The following MECOM variants were observed in gnomAD, a reference collection of about 807,000 sequenced individuals.
MECOM encodes the protein histone-lysine N-methyltransferase MECOM.
In MECOM, 13 loss-of-function variants were observed where a neutral mutation model predicts 116.3. The observed-to-expected ratio is 0.11, with a 90% CI of 0.07 to 0.18. MECOM has a LOEUF of 0.18. MECOM is among the 10% of genes least tolerant of loss of function. The pLI is 1.00. For missense variants in MECOM, 1,299 were observed against 1,509.0 expected (o/e 0.86, Z 2.31); for synonymous variants, 528 against 535.2 (o/e 0.99, Z 0.19).
intron 2 of MECOM, among the ~76,000 whole-genome samples, chr3:169,207,023 A>T (rs1405119639): frequency 6.6e-6 from 1 of 152,260 alleles, no homozygotes; most frequent in Non-Finnish European, 1.5e-5. Flanking sequence ...CAAAATGATG[A>T]TATAGCATAA....
chr3:169,401,871 C>A (rs1327700594), intron 1 of MECOM, among the ~76,000 whole-genome samples: 3 of 152,152 alleles, frequency 2.0e-5, no homozygotes, highest in Non-Finnish European at 2.9e-5. Context: ...CAGTGAGGAT[C>A]CAAACAATCA....
At chr3:169,644,919 C>A (rs1288781375) in intron 1 of MECOM, among the ~76,000 whole-genome samples, 2 of 152,168 alleles carry the variant, frequency 1.3e-5, no homozygotes, top group Non-Finnish European at 2.9e-5. Context: ...AATACACACT[C>A]ATGCCTCTTT....
intron 4 of MECOM, among the ~76,000 whole-genome samples, chr3:169,129,594 C>T: frequency 6.6e-6 from 1 of 151,970 alleles, no homozygotes; most frequent in Admixed American, 6.6e-5. Flanking sequence ...GCTCTAAAGA[C>T]AGGATTCTCA....
chr3:169,213,943 G>C (rs1000040203), intron 2 of MECOM, among the ~76,000 whole-genome samples: 1 of 152,064 alleles, frequency 6.6e-6, no homozygotes, highest in Non-Finnish European at 1.5e-5. Context: ...AGGAAGAAAA[G>C]TGACTTGCCC....
intron 1 of MECOM, among the ~76,000 whole-genome samples, chr3:169,430,594 A>G (rs2108552196): frequency 6.6e-6 from 1 of 152,272 alleles, no homozygotes; most frequent in Admixed American, 6.5e-5. Context: ...AAGGAGAAAA[A>G]GGCCTCCCGC....
intron 1 of MECOM, among the ~76,000 whole-genome samples, chr3:169,410,537 G>T (rs1012751378): frequency 1.3e-5 from 2 of 152,164 alleles, no homozygotes; most frequent in Non-Finnish European, 2.9e-5. Flanking sequence ...TGGAGACTGA[G>T]ATTCCATGGT....
intron 2 of MECOM, among the ~76,000 whole-genome samples, chr3:169,210,120 C>T (rs1464516504): frequency 1.3e-5 from 2 of 152,036 alleles, no homozygotes; most frequent in Non-Finnish European, 2.9e-5. Flanking sequence ...AAGCCAAACA[C>T]CACATGTTCT....
At chr3:169,415,455 C>G (rs1018173459) in intron 1 of MECOM, among the ~76,000 whole-genome samples, 1 of 152,178 alleles carries the variant, frequency 6.6e-6, no homozygotes, top group African/African-American at 2.4e-5. Flanking sequence ...ATCATCGACA[C>G]TATGAAGAAA....
chr3:169,269,453 A>G (rs931945178), intron 2 of MECOM, among the ~76,000 whole-genome samples: 11 of 152,206 alleles, frequency 7.2e-5, no homozygotes, highest in Admixed American at 5.2e-4. Flanking sequence ...ATACATGTGG[A>G]CAAAACGCTT....
At chr3:169,187,768 G>C (rs968727624) in intron 2 of MECOM, among the ~76,000 whole-genome samples, 5 of 152,092 alleles carry the variant, frequency 3.3e-5, no homozygotes, top group Admixed American at 3.3e-4. Context: ...AAGCATGTAT[G>C]AACCTAATAC....
At chr3:169,164,149 C>T (rs1743227647) in intron 2 of MECOM, among the ~76,000 whole-genome samples, 1 of 152,098 alleles carries the variant, frequency 6.6e-6, no homozygotes, top group Non-Finnish European at 1.5e-5. Context: ...TTGTAGTTCC[C>T]ATAATTCTCA....
chr3:169,264,523 C>T (rs906649102), intron 2 of MECOM, among the ~76,000 whole-genome samples: 4 of 152,098 alleles, frequency 2.6e-5, no homozygotes, highest in African/African-American at 9.7e-5. Context: ...CTGAGACTAT[C>T]TAGTCCATAT....
At chr3:169,539,263 A>G (rs879471075) in intron 1 of MECOM, among the ~76,000 whole-genome samples, 7 of 152,180 alleles carry the variant, frequency 4.6e-5, no homozygotes, top group Non-Finnish European at 1.0e-4. Context: ...TCAGAGGCCT[A>G]TGATTCATTT....
intron 1 of MECOM, among the ~76,000 whole-genome samples, chr3:169,524,417 T>C (rs3905222): frequency 0.45 from 68,767 of 151,976 alleles, 16,586 homozygotes; most frequent in African/African-American, 0.62. Context: ...ATTAAAGAGA[T>C]TGGCTAGAAA....
intron 2 of MECOM, among the ~76,000 whole-genome samples, chr3:169,341,010 T>C (rs1218424004): frequency 1.3e-5 from 2 of 152,200 alleles, no homozygotes; most frequent in Non-Finnish European, 1.5e-5. Flanking sequence ...TTCTGAACAT[T>C]AGACAGACAT....
intron 2 of MECOM, among the ~76,000 whole-genome samples, chr3:169,301,119 G>A (rs1183670121): frequency 5.9e-5 from 9 of 152,178 alleles, no homozygotes; most frequent in African/African-American, 1.9e-4. Flanking sequence ...AAATATCGGC[G>A]CGATTCTGTT....
At chr3:169,234,859 T>G (rs1399962272) in intron 2 of MECOM, among the ~76,000 whole-genome samples, 2 of 152,204 alleles carry the variant, frequency 1.3e-5, no homozygotes, top group Admixed American at 6.5e-5. Flanking sequence ...ATGCCCAGAC[T>G]TATGGTTCCC....
rs1560340184 is a variant in MECOM, at chr3:169,485,924, G to GTA, written c.38-104402_38-104401dup. ...TATAGTATATATGTATGTATATATA[G>GTA]TATATATAGTATATATGTATGTATA... On this transcript the variant is annotated intron_variant, in intron 1 of 16. Transcript: ENST00000651503. Among the ~76,000 whole-genome samples, 12 of 107,476 alleles carry GTA rather than the reference G, an allele frequency of 1.1e-4. 1 individual carries two copies. In the South Asian group the frequency reaches 1.3e-3, roughly 11 times the overall value. 70.5% of individuals were successfully genotyped at this position (107,476 alleles called of 152,430 possible).
chr3:169,225,911 A>G (rs531368825), intron 2 of MECOM, among the ~76,000 whole-genome samples: 1 of 152,286 alleles, frequency 6.6e-6, no homozygotes, highest in South Asian at 2.1e-4. Context: ...CCCAGCCAAG[A>G]CCCTTGCTTT....
Sources: gnomAD v4.1 joint callset for allele counts (sites outside exome capture counted in the v4.1 genomes callset) on GRCh38, gnomAD v4.1.1 for gene constraint, MANE v1.5 for transcripts, NCBI Gene and HGNC (gene_info 2026-07-23, HGNC 2026-07-21) for gene names.